GPC5: variants seen among roughly 807,000 people sequenced by gnomAD.
GPC5 encodes the protein glypican-5.
A neutral mutation model predicts 53.9 loss-of-function variants in GPC5; 47 were observed. That is an observed-to-expected ratio of 0.87 (90% CI 0.69 to 1.11). The LOEUF (loss-of-function observed/expected upper bound fraction) is 1.11. Among genes scored for constraint, GPC5 ranks in the 50% most tolerant of loss-of-function variants. GPC5 has a pLI of 0.00. For synonymous variants in GPC5, 286 were observed against 263.3 expected, an observed-to-expected ratio of 1.09 and a Z score of -0.84; for missense variants, 748 against 713.1, an observed-to-expected ratio of 1.05 and a Z score of -0.56.
chr13:91,703,487 G>A (rs1384785843), intron 3 of GPC5, among the ~76,000 whole-genome samples: 1 of 152,090 alleles, frequency 6.6e-6, no homozygotes, highest in Admixed American at 6.6e-5. Context: ...TTATGTCTTT[G>A]TATATGGTGA....
chr13:91,978,494 A>C (rs1321383884), intron 6 of GPC5, among the ~76,000 whole-genome samples: 2 of 152,184 alleles, frequency 1.3e-5, no homozygotes, highest in Non-Finnish European at 2.9e-5. Flanking sequence ...AACAAAAGCA[A>C]ATGTTTGTGA....
chr13:92,419,931 C>A (rs1038823377), intron 7 of GPC5, among the ~76,000 whole-genome samples: 1 of 152,078 alleles, frequency 6.6e-6, no homozygotes, highest in African/African-American at 2.4e-5. Context: ...GATGAATAGC[C>A]TGAAGCCCTA....
intron 7 of GPC5, among the ~76,000 whole-genome samples, chr13:92,272,884 C>T (rs573694773): frequency 1.3e-5 from 2 of 152,084 alleles, no homozygotes; most frequent in Non-Finnish European, 2.9e-5. Context: ...ATGCTGGAGA[C>T]ATAGCATGGC....
intron 5 of GPC5, among the ~76,000 whole-genome samples, chr13:91,857,946 T>C (rs2038985022): frequency 6.6e-6 from 1 of 151,596 alleles, no homozygotes; most frequent in Non-Finnish European, 1.5e-5. Context: ...TTAAAATAAC[T>C]TTTTATTACC....
chr13:91,606,421 A>G (rs2033369200), intron 2 of GPC5, among the ~76,000 whole-genome samples: 10 of 151,324 alleles, frequency 6.6e-5, no homozygotes, highest in Middle Eastern at 3.4e-3. Context: ...ATTCTCTTTT[A>G]TTGTTGTGTC....
intron 7 of GPC5, among the ~76,000 whole-genome samples, chr13:92,519,441 G>A (rs1186917055): frequency 2.0e-5 from 3 of 152,178 alleles, no homozygotes; most frequent in Non-Finnish European, 4.4e-5. Flanking sequence ...TCAGACCACA[G>A]TGCAATCAAA....
intron 2 of GPC5, among the ~76,000 whole-genome samples, chr13:91,501,654 A>G (rs1399237418): frequency 6.6e-6 from 1 of 152,178 alleles, no homozygotes; most frequent in African/African-American, 2.4e-5. Flanking sequence ...ATTGTTGGAC[A>G]TTTGGGTTGG....
chr13:91,565,515 G>A (rs1277927727), intron 2 of GPC5, among the ~76,000 whole-genome samples: 1 of 152,166 alleles, frequency 6.6e-6, no homozygotes, highest in Non-Finnish European at 1.5e-5. Context: ...GGAGCAGTTT[G>A]GGGAAGAGGC....
intron 7 of GPC5, among the ~76,000 whole-genome samples, chr13:92,252,222 AC>A (rs1240939445): frequency 1.3e-5 from 2 of 152,104 alleles, no homozygotes; most frequent in Non-Finnish European, 2.9e-5. Context: ...GAAGACTTAA[AC>A]TTTTGAAGAT....
chr13:91,940,456 TA>T (rs2039916010), intron 6 of GPC5, among the ~76,000 whole-genome samples: 1 of 152,158 alleles, frequency 6.6e-6, no homozygotes, highest in Admixed American at 6.6e-5. Context: ...AATGAATGTA[TA>T]AGTGCATGTG....
intron 1 of GPC5, among the ~76,000 whole-genome samples, chr13:91,423,660 T>C (rs919396831): frequency 6.6e-6 from 1 of 152,208 alleles, no homozygotes; most frequent in Admixed American, 6.5e-5. Context: ...TCTAGGGATC[T>C]ATTGCACAGC....
chr13:91,980,666 A>G (rs1182565361), intron 6 of GPC5, among the ~76,000 whole-genome samples: 1 of 152,212 alleles, frequency 6.6e-6, no homozygotes, highest in Non-Finnish European at 1.5e-5. Context: ...CATACAGTGA[A>G]GTGCACAATT....
At chr13:92,604,483 G>A (rs1416769908) in intron 7 of GPC5, among the ~76,000 whole-genome samples, 1 of 152,154 alleles carries the variant, frequency 6.6e-6, no homozygotes, top group Non-Finnish European at 1.5e-5. Flanking sequence ...CCCTGTCTGG[G>A]CACCTAGAAC....
intron 7 of GPC5, among the ~76,000 whole-genome samples, chr13:92,307,927 A>G (rs965328445): frequency 1.3e-5 from 2 of 152,218 alleles, no homozygotes; most frequent in African/African-American, 4.8e-5. Context: ...AATACACCTA[A>G]GTGTATGCCT....
chr13:92,300,177 G>A (rs2043065859), intron 7 of GPC5, among the ~76,000 whole-genome samples: 1 of 152,100 alleles, frequency 6.6e-6, no homozygotes, highest in Non-Finnish European at 1.5e-5. Context: ...ATATTGTCTC[G>A]GAATGTTGTC....
intron 2 of GPC5, among the ~76,000 whole-genome samples, chr13:91,480,049 A>T (rs1883217648): frequency 6.6e-6 from 1 of 152,196 alleles, no homozygotes; most frequent in African/African-American, 2.4e-5. Context: ...ATGCTATGAG[A>T]CTAGAATCTC....
intron 5 of GPC5, among the ~76,000 whole-genome samples, chr13:91,868,723 A>G (rs2039111327): frequency 6.6e-6 from 1 of 152,180 alleles, no homozygotes; most frequent in African/African-American, 2.4e-5. Flanking sequence ...ATTAGAGACA[A>G]GAAGTTTAGC....
chr13:91,959,101 C>CAT (rs1030507373), intron 6 of GPC5, among the ~76,000 whole-genome samples: 2 of 142,390 alleles, frequency 1.4e-5, no homozygotes, highest in East Asian at 2.0e-4. Context: ...CACACACACA[C>CAT]ATCAATGATG....
In GPC5 at chr13:91,796,539, C is replaced by T. The variant is rs769954430; in HGVS notation, c.1280+40119C>T. ...GGCTCCCTCCCCCTGTGCTCTCAGG[C>T]AATAGATGATTTGACTATTTCTTTA... On this transcript the variant is annotated intron_variant, in intron 5 of 7. Transcript: ENST00000377067. Among the ~76,000 whole-genome samples the T allele has an allele frequency of 4.6e-5, 7 of 152,190 alleles. No homozygotes were observed. In the South Asian group the frequency reaches 8.3e-4, roughly 18 times the overall value.
Sources: allele counts gnomAD v4.1 joint callset (sites outside exome capture counted in the v4.1 genomes callset), GRCh38; gene constraint gnomAD v4.1.1; transcripts MANE v1.5; gene names NCBI Gene and HGNC (gene_info 2026-07-23, HGNC 2026-07-21).